Variants in NEDD1 observed in about 807,000 individuals in gnomAD.
NEDD1 encodes the protein NEDD1 gamma-tubulin ring complex targeting factor, also known as protein NEDD1.
A neutral mutation model predicts 74.0 loss-of-function variants in NEDD1; 33 were observed. The ratio of observed to expected loss-of-function variants is 0.45; its 90% CI spans 0.34 to 0.60. The LOEUF is 0.60. Among genes scored for constraint, NEDD1 ranks in the 20% least tolerant of loss-of-function variants. NEDD1 has a pLI of 0.01. For synonymous variants in NEDD1, 250 were observed against 264.4 expected (o/e 0.95, Z 0.53); for missense variants, 746 against 776.5 (o/e 0.96, Z 0.47).
rs1296869800 is a variant in NEDD1 at position 96,920,051 on chromosome 12, C to CT, written c.417dup (p.Ser140Ter). ...TGATTGCTACATTGCTTCTGGATCTCTTAGTGGTGAAATTATTTTACACAG... is the reference window on the plus strand; with the variant it reads ...TGATTGCTACATTGCTTCTGGATCTCTTTAGTGGTGAAATTATTTTACACAG... On this transcript the variant is annotated frameshift_variant, in exon 6 of 16. Coordinates refer to ENST00000266742, the MANE Select transcript of NEDD1 (RefSeq NM_152905.4). LOFTEE classifies it high-confidence loss of function. 6.2e-7 allele frequency: 1 copy of CT among 1,602,180 alleles called. No individual in the cohort carries two copies. Among genetic ancestry groups the CT allele is most frequent in the South Asian group, 1.1e-5 (1 of 90,758 alleles).
At chr12:96,909,916 AC>A (rs766031594) in intron 3 of NEDD1, 21 bp downstream of exon 3, 205 of 1,213,830 alleles carry the variant, frequency 1.7e-4, no homozygotes, top group South Asian at 7.5e-4. Flanking sequence ...AAAAAAAAAA[AC>A]ACACACACAC....
chr12:96,918,498 C>T (rs938525888), intron 5 of NEDD1, among the ~76,000 whole-genome samples: 1 of 152,114 alleles, frequency 6.6e-6, no homozygotes, highest in Non-Finnish European at 1.5e-5. Context: ...TACCCCATCC[C>T]TGCATGGCAA....
intron 5 of NEDD1, among the ~76,000 whole-genome samples, chr12:96,917,975 A>G (rs1874650199): frequency 6.6e-6 from 1 of 151,952 alleles, no homozygotes. Flanking sequence ...CTTGTTTTTT[A>G]TTTAGTTCTA....
rs187358080 is a variant in NEDD1, at chr12:96,910,583, G to A, written c.136+688G>A. On this transcript the variant is annotated intron_variant, in intron 3 of 15. Coordinates refer to ENST00000266742, the MANE Select transcript of NEDD1 (RefSeq NM_152905.4). ...TAGGGTTTCTGAACCCTGTGCTATT[G>A]ACTTTTTGGGGCAGAAAATTTGTTG... 1.6e-3 allele frequency among the ~76,000 whole-genome samples: 246 copies of A among 152,260 alleles called. 2 individuals are homozygous for A. Among genetic ancestry groups the A allele is most frequent in the African/African-American group, 5.6e-3 (232 of 41,562 alleles).
chr12:96,943,796 ATGTGTT>A, intron 12 of NEDD1, 34 bp downstream of exon 12: 1 of 1,424,126 alleles, frequency 7.0e-7, no homozygotes, highest in Non-Finnish European at 9.9e-7. Flanking sequence ...AACTCACTGT[ATGTGTT>A]TATCAGTAGA....
chr12:96,947,956 G>C (rs557343690), intron 14 of NEDD1, among the ~76,000 whole-genome samples: 1 of 152,182 alleles, frequency 6.6e-6, no homozygotes, highest in Admixed American at 6.5e-5. Context: ...TGCCTGGGAC[G>C]CAGTGAAGAC....
intron 2 of NEDD1, among the ~76,000 whole-genome samples, chr12:96,908,746 A>G (rs1162634816): frequency 6.6e-6 from 1 of 152,238 alleles, no homozygotes; most frequent in African/African-American, 2.4e-5. Flanking sequence ...TCTGACCTGC[A>G]GAAATGCTAG....
chr12:96,928,668 A>G (rs1172701917), intron 6 of NEDD1, among the ~76,000 whole-genome samples: 2 of 147,556 alleles, frequency 1.4e-5, no homozygotes, highest in East Asian at 3.9e-4. Context: ...ATTGTTAGGT[A>G]CATAGTGTGT....
Position 96,912,768 on chromosome 12 carries a change from TC to T in NEDD1, c.183del (p.Ser62GlnfsTer11). On this transcript the variant is annotated frameshift_variant, in exon 4 of 16. Coordinates refer to ENST00000266742, the MANE Select transcript of NEDD1 (RefSeq NM_152905.4). LOFTEE classifies it high-confidence loss of function. ...TCTTCCAGTGGCGACAAAATAGTTG[TC>T]TCAAGTTGCAAATGTAAACCTGTTC... is the stretch of plus-strand genomic sequence containing the variant. ...TASSSGDKIVVSSCKCKPVPL... is the reference protein window; with the variant it reads ...TASSSGDKIVXSSCKCKPVPL... 1 of 1,610,518 alleles carries T rather than the reference TC, an allele frequency of 6.2e-7. No individual in the cohort carries two copies. The highest frequency in any genetic ancestry group is 8.5e-7 in the Non-Finnish European group (1 of 1,177,068).
chr12:96,937,291 G>A lies in NEDD1; in HGVS notation c.1015G>A (p.Gly339Arg), dbSNP rs1165898044. ...TGCTAGTGGAGGAGTTCAGAATTCCGGAATTGTCAGAGAAGCACCTGCCAC... is the reference window on the plus strand; with the variant it reads ...TGCTAGTGGAGGAGTTCAGAATTCCAGAATTGTCAGAGAAGCACCTGCCAC... Reference protein sequence around the residue: ...NAASGGVQNSGIVREAPATSI... With the variant: ...NAASGGVQNSRIVREAPATSI... The change falls in exon 9 of 16, where the codon GGA (glycine) becomes AGA (arginine). Residue 339 changes from glycine (G) to arginine (R), a missense_variant. By Grantham distance (125) the Gly-to-Arg change is moderately radical (BLOSUM62 -2). This residue lies in a region of NEDD1 where 706 missense variants were observed against 706.7 expected (regional missense o/e 1.00). Coordinates refer to ENST00000266742, the MANE Select transcript of NEDD1 (RefSeq NM_152905.4). 21 of 1,612,526 alleles carry A rather than the reference G, an allele frequency of 1.3e-5. No homozygotes were observed. Among genetic ancestry groups the A allele is most frequent in the South Asian group, 3.3e-5 (3 of 91,030 alleles).
In NEDD1 at chr12:96,935,150, T is replaced by G; in HGVS notation, c.664T>G (p.Phe222Val). ...TTTTTCTCCTGTCAATGAATTGCTC[T>G]TTGTAACCATAGGCTTGGATAAAAG... Reference protein sequence around the residue: ...ICFSPVNELLFVTIGLDKRII... With the variant: ...ICFSPVNELLVVTIGLDKRII... Residue 222 changes from phenylalanine to valine, a missense_variant, in exon 7 of 16, where the codon TTT becomes GTT. Transcript: ENST00000266742. The G allele has an allele frequency of 1.2e-6, 2 of 1,613,376 alleles. No individual in the cohort carries two copies. The highest frequency in any genetic ancestry group is 8.5e-7 in the Non-Finnish European group (1 of 1,179,282).
rs1350109398 is a variant in NEDD1 at position 96,944,637 on chromosome 12, A to C, written c.1498-2A>C. On this transcript the variant is annotated splice_acceptor_variant, in intron 12 of 15. Transcript: ENST00000266742. LOFTEE classifies it high-confidence loss of function. The stretch of plus-strand genomic sequence containing the variant: ...AAGTCATTATTTATTTTAAATATAA[A>C]GTTAGCAAAGTTGGTCACATCTGGT... 2 of 1,559,568 alleles carry C rather than the reference A, an allele frequency of 1.3e-6. No homozygotes were observed. Among genetic ancestry groups the C allele is most frequent in the Non-Finnish European group, 1.8e-6 (2 of 1,142,610 alleles).
intron 6 of NEDD1, among the ~76,000 whole-genome samples, chr12:96,924,295 A>G (rs559757651): frequency 1.4e-4 from 22 of 152,332 alleles, no homozygotes; most frequent in African/African-American, 4.8e-4. Flanking sequence ...TTTGACTACT[A>G]TGGGCCTTTT....
chr12:96,919,957 T>C, intron 5 of NEDD1, 28 bp from the exon 6 acceptor site: 1 of 1,558,836 alleles, frequency 6.4e-7, no homozygotes, highest in Non-Finnish European at 8.8e-7. Flanking sequence ...TATGGGGCAG[T>C]GTACTTACTT....
chr12:96,912,462 G>T, intron 3 of NEDD1: 1 of 276,536 alleles, frequency 3.6e-6, no homozygotes. Flanking sequence ...TTTGAAAACA[G>T]AGTAGTATTT....
At chr12:96,922,953 A>G (rs1337566538) in intron 6 of NEDD1, among the ~76,000 whole-genome samples, 1 of 152,030 alleles carries the variant, frequency 6.6e-6, no homozygotes, top group Non-Finnish European at 1.5e-5. Context: ...CATCTCTATT[A>G]AAAATATAAA....
chr12:96,950,116 A>C (rs1038982897), intron 14 of NEDD1, among the ~76,000 whole-genome samples: 12 of 152,050 alleles, frequency 7.9e-5, no homozygotes, highest in African/African-American at 2.9e-4. Context: ...AATGCTTATA[A>C]ATGAATAAGA....
At position 96,952,185 on chromosome 12, in the gene NEDD1, A is replaced by G. The variant is rs1878776176; in HGVS notation, c.*132A>G. 2 of 579,044 alleles carry G rather than the reference A, an allele frequency of 3.5e-6. No individual in the cohort carries two copies. The highest frequency in any genetic ancestry group is 3.4e-5 in the Admixed American group (1 of 29,800). The allele number at this position is 579,044 out of a possible 1,614,324, so 35.9% of individuals were successfully genotyped here. A position where few individuals can be genotyped will look rare whatever the true frequency, so the allele number is the denominator to read the frequency against. On this transcript the variant is annotated 3_prime_UTR_variant, in exon 16 of 16. Coordinates refer to ENST00000266742, the MANE Select transcript of NEDD1 (RefSeq NM_152905.4). Reference sequence around the variant, plus strand: ...CAAGTAAGAGTAAAAGGATGATGGGATTTTATACCAACAACTGTTTCATCT... The same window carrying G: ...CAAGTAAGAGTAAAAGGATGATGGGGTTTTATACCAACAACTGTTTCATCT...
intron 6 of NEDD1, among the ~76,000 whole-genome samples, chr12:96,921,112 A>G (rs779475253): frequency 6.6e-6 from 1 of 152,188 alleles, no homozygotes; most frequent in Non-Finnish European, 1.5e-5. Flanking sequence ...TGTTTTTACT[A>G]TGACAATATA....
Sources: allele counts gnomAD v4.1 joint callset (sites outside exome capture counted in the v4.1 genomes callset), GRCh38; gene constraint gnomAD v4.1.1; regional missense constraint gnomAD v4.1.1; transcripts MANE v1.5; gene names NCBI Gene and HGNC (gene_info 2026-07-23, HGNC 2026-07-21).